Variants in RAPGEF2 observed in about 807,000 individuals in gnomAD.
RAPGEF2 encodes Rap guanine nucleotide exchange factor 2, also known as PDZ domain containing guanine nucleotide exchange factor (GEF) 1.
A neutral mutation model predicts 186.7 loss-of-function variants in RAPGEF2; 54 were observed. The observed-to-expected ratio is 0.29, with a 90% CI of 0.23 to 0.36. The LOEUF is 0.36. Among genes scored for constraint, RAPGEF2 ranks in the 10% least tolerant of loss-of-function variants. The pLI is 1.00. For synonymous variants in RAPGEF2, 712 were observed against 705.9 expected (o/e 1.01, Z -0.14); for missense variants, 1,532 against 2,045.0 (o/e 0.75, Z 4.84).
At chr4:159,186,771 ATTTAACAT>A in intron 2 of RAPGEF2, 59 bp downstream of exon 2, 1 of 926,138 alleles carries the variant, frequency 1.1e-6, no homozygotes, top group Non-Finnish European at 1.6e-6. Context: ...GCATGTAACA[ATTTAACAT>A]TTTAATTTTT....
intron 7 of RAPGEF2, among the ~76,000 whole-genome samples, chr4:159,251,952 C>G (rs552102718): frequency 6.6e-6 from 1 of 152,044 alleles, no homozygotes. Context: ...ACACTCACCG[C>G]GGAGGTCTGC....
intron 7 of RAPGEF2, among the ~76,000 whole-genome samples, chr4:159,285,008 C>T (rs992538704): frequency 1.3e-5 from 2 of 152,126 alleles, no homozygotes; most frequent in Non-Finnish European, 2.9e-5. Flanking sequence ...AGCCATGTTC[C>T]ATTCTGGGTG....
chr4:159,105,060 TCTTA>T, intron 1 of RAPGEF2, among the ~76,000 whole-genome samples: 1 of 152,366 alleles, frequency 6.6e-6, no homozygotes, highest in East Asian at 1.9e-4. Context: ...CTTACTCTTC[TCTTA>T]CTTATAGCGG....
intron 1 of RAPGEF2, among the ~76,000 whole-genome samples, chr4:159,162,983 C>G (rs887526247): frequency 6.6e-6 from 1 of 151,988 alleles, no homozygotes; most frequent in Non-Finnish European, 1.5e-5. Context: ...TTTTTGTTAC[C>G]TGGTACCTCC....
chr4:159,284,791 G>T (rs986666606), intron 7 of RAPGEF2, among the ~76,000 whole-genome samples: 1 of 152,078 alleles, frequency 6.6e-6, no homozygotes, highest in Non-Finnish European at 1.5e-5. Context: ...GTGGCTTCAC[G>T]CCTGTAATCG....
At position 159,257,861 on chromosome 4, in the gene RAPGEF2, CCT is replaced by C. The variant is rs1756366770; in HGVS notation, c.543+14072_543+14073del. Among the ~76,000 whole-genome samples the C allele has an allele frequency of 1.2e-4, 18 of 152,200 alleles. No individual in the cohort carries two copies. The South Asian group carries it at 3.7e-3, about 32-fold the overall frequency. On this transcript the variant is annotated intron_variant, in intron 7 of 29. Coordinates refer to ENST00000691494, the MANE Select transcript of RAPGEF2 (RefSeq NM_001394067.2). ...AATTTGAAGTCAGGGTAGCATGATGCCTCCAGCTTTGTTCTTTTTGCTTAGTA... is the reference window on the plus strand; with the variant it reads ...AATTTGAAGTCAGGGTAGCATGATGCCCAGCTTTGTTCTTTTTGCTTAGTA...
chr4:159,137,816 A>C (rs1179650631), intron 1 of RAPGEF2, among the ~76,000 whole-genome samples: 1 of 152,080 alleles, frequency 6.6e-6, no homozygotes, highest in African/African-American at 2.4e-5. Context: ...AATACATGCA[A>C]CTAATTACCT....
At chr4:159,267,271 C>T (rs1372867494) in intron 7 of RAPGEF2, 5 of 1,289,206 alleles carry the variant, frequency 3.9e-6, no homozygotes, top group African/African-American at 1.5e-5. Context: ...TTTCCTTGTG[C>T]GTTGCTATGC....
intron 22 of RAPGEF2, 47 bp from the exon 23 acceptor site, chr4:159,343,989 C>T (rs916503111): frequency 6.6e-7 from 1 of 1,518,540 alleles, no homozygotes; most frequent in African/African-American, 1.4e-5. Flanking sequence ...ATCTTTCTGT[C>T]TCTCTTTCTA....
intron 7 of RAPGEF2, among the ~76,000 whole-genome samples, chr4:159,280,229 T>C (rs1268353417): frequency 6.6e-6 from 1 of 152,206 alleles, no homozygotes; most frequent in Non-Finnish European, 1.5e-5. Context: ...GAAGGAGTTT[T>C]CTCAGCCAGA....
intron 7 of RAPGEF2, among the ~76,000 whole-genome samples, chr4:159,246,751 C>A (rs1293433892): frequency 2.0e-5 from 3 of 152,098 alleles, no homozygotes; most frequent in Non-Finnish European, 2.9e-5. Context: ...CATATCATGT[C>A]TTTGCTTTAT....
At chr4:159,280,990 T>C (rs529178435) in intron 7 of RAPGEF2, among the ~76,000 whole-genome samples, 92 of 151,924 alleles carry the variant, frequency 6.1e-4, no homozygotes, top group South Asian at 1.2e-3. Flanking sequence ...CTACTTCTTT[T>C]TTTTTTTTTT....
intron 4 of RAPGEF2, among the ~76,000 whole-genome samples, chr4:159,228,054 G>T (rs1222486534): frequency 1.3e-5 from 2 of 152,202 alleles, no homozygotes; most frequent in Non-Finnish European, 2.9e-5. Flanking sequence ...TGAATTAATA[G>T]AAATTGATAA....
At chr4:159,191,986 G>A (rs1266231408) in intron 2 of RAPGEF2, among the ~76,000 whole-genome samples, 4 of 152,118 alleles carry the variant, frequency 2.6e-5, no homozygotes, top group Non-Finnish European at 4.4e-5. Flanking sequence ...AGGGTCTTCC[G>A]TGGAAGCAGG....
chr4:159,282,586 G>A lies in RAPGEF2; in HGVS notation c.544-21756G>A, dbSNP rs1255850682. 6.8e-6 allele frequency: 3 copies of A among 443,964 alleles called. No homozygotes were observed. The Admixed American group carries it at 7.5e-5, about 11-fold the overall frequency. The allele number at this position is 443,964 out of a possible 1,614,324, so 27.5% of individuals were successfully genotyped here. On this transcript the variant is annotated intron_variant, in intron 7 of 29. Transcript: ENST00000691494. ...TATGCTTTCGGCTTTTATACACCAA[G>A]TCTTAATTTAAATCTGTTTTTCTTG... is the stretch of plus-strand genomic sequence containing the variant.
Position 159,352,741 on chromosome 4 carries a change from G to A in RAPGEF2, c.3922G>A (p.Glu1308Lys). 1 of 1,614,204 alleles carries A rather than the reference G, an allele frequency of 6.2e-7. No individual in the cohort carries two copies. The highest frequency in any genetic ancestry group is 1.1e-5 in the South Asian group (1 of 91,090). ...TAATTTTTCAGATTCTGGTCACAGT[G>A]AAATTTCTTCACGATCCAGTATTGT... is the stretch of plus-strand genomic sequence containing the variant. The part of the protein sequence containing the change: ...VDNFSDSGHS[E>K]ISSRSSIVSN... Residue 1308 changes from glutamate (E) to lysine (K), a missense_variant, in exon 27 of 30, where the codon GAA becomes AAA. Transcript: ENST00000691494.
intron 3 of RAPGEF2, among the ~76,000 whole-genome samples, chr4:159,197,438 C>T (rs1250812369): frequency 1.3e-5 from 2 of 152,010 alleles, no homozygotes; most frequent in Admixed American, 6.5e-5. Context: ...CACACACACA[C>T]GCCCACACTA....
chr4:159,245,979 A>G (rs775865940), intron 7 of RAPGEF2, among the ~76,000 whole-genome samples: 4 of 152,090 alleles, frequency 2.6e-5, no homozygotes, highest in African/African-American at 9.7e-5. Context: ...CCCCACTCCT[A>G]CTTACCCAAA....
intron 4 of RAPGEF2, among the ~76,000 whole-genome samples, chr4:159,220,762 C>T (rs1751456863): frequency 6.6e-6 from 1 of 152,158 alleles, no homozygotes; most frequent in Non-Finnish European, 1.5e-5. Flanking sequence ...GGTGTGGGCT[C>T]TATTATTCAT....
Sources: allele counts gnomAD v4.1 joint callset (sites outside exome capture counted in the v4.1 genomes callset), GRCh38; gene constraint gnomAD v4.1.1; transcripts MANE v1.5; gene names NCBI Gene and HGNC (gene_info 2026-07-23, HGNC 2026-07-21).